The following CADM2 variants were observed in gnomAD, a reference collection of about 807,000 sequenced individuals.
The protein encoded by CADM2 is cell adhesion molecule 2, also known as immunoglobulin superfamily member 4D.
Under a neutral mutation model 49.8 loss-of-function variants are expected in CADM2, and 12 were observed. That is an observed-to-expected ratio of 0.24 (90% CI 0.15 to 0.39). The LOEUF (loss-of-function observed/expected upper bound fraction) is 0.39, where lower values mean the gene tolerates loss of function less well. CADM2 is among the 10% of genes least tolerant of loss of function. The pLI is 1.00. For synonymous variants in CADM2, 214 were observed against 175.4 expected (o/e 1.22, Z -1.74); for missense variants, 378 against 492.3 (o/e 0.77, Z 2.20).
At chr3:85,794,138 A>C (rs1271427894) in intron 2 of CADM2, among the ~76,000 whole-genome samples, 1 of 152,116 alleles carries the variant, frequency 6.6e-6, no homozygotes, top group Non-Finnish European at 1.5e-5. Flanking sequence ...TTATAATTTT[A>C]AAAAGTCTTA....
At chr3:85,783,917 A>G (rs2070808972) in intron 2 of CADM2, among the ~76,000 whole-genome samples, 1 of 152,168 alleles carries the variant, frequency 6.6e-6, no homozygotes, top group Non-Finnish European at 1.5e-5. Flanking sequence ...AAGTACGATC[A>G]TCTTTGTAGG....
At chr3:85,869,852 G>A (rs1181872784) in intron 3 of CADM2, among the ~76,000 whole-genome samples, 5 of 151,946 alleles carry the variant, frequency 3.3e-5, no homozygotes, top group African/African-American at 9.7e-5. Flanking sequence ...TAGTAGAGAC[G>A]GAGTTTCACC....
chr3:86,038,717 C>G lies in CADM2; in HGVS notation c.971-26888C>G, dbSNP rs577430238. On this transcript the variant is annotated intron_variant, in intron 8 of 9. Transcript: ENST00000383699. ...ACCCTTTATATAAGTAAATTCAATT[C>G]ACATATTTAATTGTCAAATAACTCT... 4.6e-5 allele frequency among the ~76,000 whole-genome samples: 7 copies of G among 152,284 alleles called. No homozygotes were observed. In the South Asian group the frequency reaches 1.5e-3, roughly 32 times the overall value.
intron 1 of CADM2, among the ~76,000 whole-genome samples, chr3:85,233,300 A>G (rs1296832637): frequency 6.6e-6 from 1 of 152,124 alleles, no homozygotes; most frequent in Non-Finnish European, 1.5e-5. Flanking sequence ...TATTCTGTGT[A>G]ACACCAAAAT....
At chr3:85,616,524 A>C (rs1221204250) in intron 1 of CADM2, among the ~76,000 whole-genome samples, 3 of 152,096 alleles carry the variant, frequency 2.0e-5, no homozygotes, top group Admixed American at 6.6e-5. Context: ...TTATGTATTT[A>C]ATCCTTAGGT....
At chr3:86,046,306 AT>A (rs1161550858) in intron 8 of CADM2, among the ~76,000 whole-genome samples, 1 of 152,162 alleles carries the variant, frequency 6.6e-6, no homozygotes, top group East Asian at 1.9e-4. Flanking sequence ...GTAATCATTT[AT>A]TTTAAAAACA....
In CADM2 at chr3:85,868,059, G is replaced by T. The variant is rs191628447; in HGVS notation, c.239-15232G>T. 1.4e-3 allele frequency among the ~76,000 whole-genome samples: 219 copies of T among 151,906 alleles called. 2 individuals are homozygous for T. The highest frequency in any genetic ancestry group is 5.1e-3 in the African/African-American group (212 of 41,476). On this transcript the variant is annotated intron_variant, in intron 3 of 9. Coordinates refer to ENST00000383699, the MANE Select transcript of CADM2 (RefSeq NM_001167675.2). Reference sequence around the variant, plus strand: ...GTGATTTTTATTTTATATCTTCTCAGTGTAACATTTTAAAAATAGATAGAT... The same window carrying T: ...GTGATTTTTATTTTATATCTTCTCATTGTAACATTTTAAAAATAGATAGAT...
intron 1 of CADM2, among the ~76,000 whole-genome samples, chr3:85,726,099 C>T (rs1049136977): frequency 1.3e-5 from 2 of 151,962 alleles, no homozygotes; most frequent in African/African-American, 4.8e-5. Context: ...ATTTAGAAAG[C>T]ACTCAAATGA....
At chr3:85,963,798 T>C (rs1222905175) in intron 8 of CADM2, among the ~76,000 whole-genome samples, 1 of 151,926 alleles carries the variant, frequency 6.6e-6, no homozygotes, top group Non-Finnish European at 1.5e-5. Flanking sequence ...GATGTATTTC[T>C]AATAAATACT....
intron 1 of CADM2, among the ~76,000 whole-genome samples, chr3:85,004,216 T>G (rs2033611911): frequency 6.6e-6 from 1 of 152,156 alleles, no homozygotes; most frequent in African/African-American, 2.4e-5. Flanking sequence ...CAAATTCTGG[T>G]TGTAGAAGAG....
intron 1 of CADM2, among the ~76,000 whole-genome samples, chr3:85,211,708 T>C (rs2041784342): frequency 6.6e-6 from 1 of 152,182 alleles, no homozygotes; most frequent in Non-Finnish European, 1.5e-5. Flanking sequence ...ATATGGTCTA[T>C]TTTCAGAATA....
intron 1 of CADM2, among the ~76,000 whole-genome samples, chr3:85,007,203 C>G (rs909012112): frequency 6.6e-6 from 1 of 151,996 alleles, no homozygotes; most frequent in Non-Finnish European, 1.5e-5. Flanking sequence ...ATTCTCGAAT[C>G]AGGTAGTATT....
intron 1 of CADM2, among the ~76,000 whole-genome samples, chr3:85,575,599 A>G (rs1421304020): frequency 1.3e-5 from 2 of 152,196 alleles, no homozygotes; most frequent in African/African-American, 2.4e-5. Flanking sequence ...TGATTGAAAT[A>G]GTAGCTTGTT....
chr3:85,563,535 G>T (rs1177872881), intron 1 of CADM2, among the ~76,000 whole-genome samples: 2 of 151,888 alleles, frequency 1.3e-5, no homozygotes, highest in African/African-American at 4.8e-5. Context: ...TTGTGTGTAG[G>T]CCAGCATGAC....
chr3:85,543,099 A>C (rs1417173424), intron 1 of CADM2, among the ~76,000 whole-genome samples: 1 of 152,198 alleles, frequency 6.6e-6, no homozygotes, highest in East Asian at 1.9e-4. Context: ...TTACTTCCTC[A>C]GAAAATTCAT....
At position 85,725,933 on chromosome 3, in the gene CADM2, A is replaced by G. The variant is rs556797676; in HGVS notation, c.62-589A>G. ...GATTCTGGAGTCAGATACACCTAGA[A>G]TCAAATCCCAAATCTGCTTTCCAGA... On this transcript the variant is annotated intron_variant, in intron 1 of 9. Transcript: ENST00000383699. 3.9e-5 allele frequency among the ~76,000 whole-genome samples: 6 copies of G among 152,142 alleles called. No homozygotes were observed. The South Asian group carries it at 1.2e-3, about 32-fold the overall frequency.
chr3:85,264,383 A>G (rs756701625), intron 1 of CADM2, among the ~76,000 whole-genome samples: 2 of 152,132 alleles, frequency 1.3e-5, no homozygotes, highest in Admixed American at 1.3e-4. Flanking sequence ...CAAATGTTTT[A>G]TGCCACATAA....
chr3:85,173,799 T>C (rs1184020020), intron 1 of CADM2, among the ~76,000 whole-genome samples: 1 of 152,230 alleles, frequency 6.6e-6, no homozygotes, highest in African/African-American at 2.4e-5. Flanking sequence ...TGCCCAATTC[T>C]TCTGTATGTA....
chr3:85,787,775 A>G (rs933509171), intron 2 of CADM2, among the ~76,000 whole-genome samples: 2 of 152,064 alleles, frequency 1.3e-5, no homozygotes, highest in African/African-American at 4.8e-5. Context: ...TGTGTGTAGA[A>G]TAAGTGTAAG....
Sources: allele counts gnomAD v4.1 joint callset (sites outside exome capture counted in the v4.1 genomes callset), GRCh38; gene constraint gnomAD v4.1.1; transcripts MANE v1.5; gene names NCBI Gene and HGNC (gene_info 2026-07-23, HGNC 2026-07-21).